Variants in CCDC171 observed in about 807,000 individuals in gnomAD.
The protein encoded by CCDC171 is coiled-coil domain-containing protein 171.
Under a neutral mutation model 168.2 loss-of-function variants are expected in CCDC171, and 177 were observed. The observed-to-expected ratio is 1.05, with a 90% CI of 0.93 to 1.19. The LOEUF is 1.19. Among genes scored for constraint, CCDC171 ranks in the 50% most tolerant of loss-of-function variants. CCDC171 has a pLI of 0.00. For synonymous variants in CCDC171, 687 were observed against 540.8 expected (o/e 1.27, Z -3.75); for missense variants, 1,991 against 1,539.0 (o/e 1.29, Z -4.91).
chr9:15,867,571 A>G (rs777327639), intron 23 of CCDC171, among the ~76,000 whole-genome samples: 3 of 152,052 alleles, frequency 2.0e-5, no homozygotes, highest in Admixed American at 6.6e-5. Flanking sequence ...AACTCTGTCC[A>G]TATAGCTGTC....
intron 24 of CCDC171, among the ~76,000 whole-genome samples, chr9:15,916,875 G>C (rs1209147481): frequency 1.3e-5 from 2 of 151,842 alleles, no homozygotes; most frequent in Non-Finnish European, 2.9e-5. Context: ...TACTAACCGA[G>C]TCTCACTGAG....
the CCDC171 span, among the ~76,000 whole-genome samples, chr9:16,077,851 C>T: frequency 6.6e-6 from 1 of 152,018 alleles, no homozygotes; most frequent in African/African-American, 2.4e-5. Flanking sequence ...AGGTTGATGC[C>T]TAAGAAGTGG....
At chr9:15,924,899 C>T (rs1406924017) in intron 25 of CCDC171, among the ~76,000 whole-genome samples, 3 of 151,486 alleles carry the variant, frequency 2.0e-5, no homozygotes, top group Admixed American at 6.6e-5. Flanking sequence ...CTTCTTTAAA[C>T]ACTCATCTCC....
At chr9:15,913,659 C>G (rs997541237) in intron 24 of CCDC171, among the ~76,000 whole-genome samples, 3 of 152,084 alleles carry the variant, frequency 2.0e-5, no homozygotes, top group African/African-American at 7.2e-5. Context: ...TTGTCAAATT[C>G]ATTTTCCATC....
chr9:16,100,660 T>C, the CCDC171 span, among the ~76,000 whole-genome samples: 1 of 152,176 alleles, frequency 6.6e-6, no homozygotes, highest in Non-Finnish European at 1.5e-5. Flanking sequence ...TGGTAAAATG[T>C]AACACTGGGC....
At chr9:16,004,598 C>G (rs543355371) in intron 3 of CCDC171, among the ~76,000 whole-genome samples, 47 of 152,204 alleles carry the variant, frequency 3.1e-4, no homozygotes, top group African/African-American at 1.1e-3. Context: ...TCGTATGACT[C>G]TAGGTGTCCA....
rs1051376504 is a variant in CCDC171 at position 15,954,448 on chromosome 9, G to T, written c.3754-17161G>T. Among the ~76,000 whole-genome samples the T allele has an allele frequency of 7.1e-4, 108 of 151,976 alleles. 1 individual carries two copies. The highest frequency in any genetic ancestry group is 2.4e-3 in the African/African-American group (99 of 41,382). ...CTTCTTTGGACCATTGGTTATTTAA[G>T]AGTGTGTTGTTTAAATTCCACAATT... On this transcript the variant is annotated intron_variant, in intron 25 of 25. Coordinates refer to ENST00000380701, the MANE Select transcript of CCDC171 (RefSeq NM_173550.4).
chr9:16,037,099 G>A (rs1833485056), intron 8 of CCDC171, among the ~76,000 whole-genome samples: 1 of 152,288 alleles, frequency 6.6e-6, no homozygotes, highest in Non-Finnish European at 1.5e-5. Context: ...GATAACCATA[G>A]TTAATAATTT....
chr9:15,608,346 A>G (rs1282244069), intron 6 of CCDC171, among the ~76,000 whole-genome samples: 3 of 152,224 alleles, frequency 2.0e-5, no homozygotes, highest in Non-Finnish European at 4.4e-5. Context: ...CAGTGATTCC[A>G]TGAACATCAC....
chr9:15,695,773 C>T (rs768398849), intron 11 of CCDC171, among the ~76,000 whole-genome samples: 2 of 152,314 alleles, frequency 1.3e-5, no homozygotes, highest in Non-Finnish European at 2.9e-5. Context: ...ACTTTCCAAG[C>T]CGGTTTTCTA....
intron 24 of CCDC171, chr9:15,876,035 C>G (rs1417810686): frequency 6.6e-6 from 1 of 151,958 alleles, no homozygotes; most frequent in African/African-American, 2.4e-5. Context: ...CAGAATCTCA[C>G]AAGGCTTAGT....
chr9:15,734,538 C>G (rs1383557239), intron 16 of CCDC171, among the ~76,000 whole-genome samples: 1 of 151,926 alleles, frequency 6.6e-6, no homozygotes, highest in Non-Finnish European at 1.5e-5. Context: ...AAGAGCGAAA[C>G]TCCATTTAAA....
At chr9:16,060,721 G>C (rs1833921259) in exon 2 of CCDC171, 1 of 152,220 alleles carries the variant, frequency 6.6e-6, no homozygotes, top group Non-Finnish European at 1.5e-5. Context: ...GAAGAAGGAA[G>C]TAAAAGCTAT....
At chr9:15,786,477 CT>C (rs2057960780) in intron 21 of CCDC171, among the ~76,000 whole-genome samples, 1 of 151,994 alleles carries the variant, frequency 6.6e-6, no homozygotes, top group South Asian at 2.1e-4. Flanking sequence ...AGAAATATAA[CT>C]GAATATAGGT....
At chr9:15,836,419 G>A (rs2060453223) in intron 21 of CCDC171, among the ~76,000 whole-genome samples, 1 of 152,116 alleles carries the variant, frequency 6.6e-6, no homozygotes, top group African/African-American at 2.4e-5. Context: ...AGGCTGGAGT[G>A]CAGTGGCGCC....
rs1459672018 is a variant in CCDC171 at position 15,820,725 on chromosome 9, C to A, written c.3268-25977C>A. Among the ~76,000 whole-genome samples the A allele has an allele frequency of 2.6e-5, 3 of 116,856 alleles. 1 individual carries two copies. The highest frequency in any genetic ancestry group is 9.7e-5 in the African/African-American group (3 of 31,032). 76.7% of individuals were successfully genotyped at this position (116,856 alleles called of 152,430 possible). A position where few individuals can be genotyped will look rare whatever the true frequency, so the allele number is the denominator to read the frequency against. On this transcript the variant is annotated intron_variant, in intron 21 of 25. Transcript: ENST00000380701. ...TTACCAACCAAAAAAAGTCCAGGAC[C>A]AGATGGATTCACAGCCGAATTCTAC...
chr9:15,598,482 G>A (rs1564016538), intron 6 of CCDC171, among the ~76,000 whole-genome samples: 1 of 152,126 alleles, frequency 6.6e-6, no homozygotes, highest in Non-Finnish European at 1.5e-5. Flanking sequence ...TTAATCCTGA[G>A]TTCTAGTTTG....
intron 21 of CCDC171, among the ~76,000 whole-genome samples, chr9:15,796,449 T>G (rs931135561): frequency 6.6e-6 from 1 of 152,168 alleles, no homozygotes; most frequent in African/African-American, 2.4e-5. Context: ...TTTAAAGTTA[T>G]GGGAGAAAAA....
At chr9:15,644,632 G>C (rs983044909) in intron 7 of CCDC171, among the ~76,000 whole-genome samples, 3 of 152,232 alleles carry the variant, frequency 2.0e-5, no homozygotes, top group East Asian at 3.8e-4. Flanking sequence ...TGCCCACGGA[G>C]CCTCGCTTAT....
Sources: gnomAD v4.1 joint callset for allele counts (sites outside exome capture counted in the v4.1 genomes callset) on GRCh38, gnomAD v4.1.1 for gene constraint, MANE v1.5 for transcripts, NCBI Gene and HGNC (gene_info 2026-07-23, HGNC 2026-07-21) for gene names.